CHRM3: variants seen among roughly 807,000 people sequenced by gnomAD.
CHRM3 encodes cholinergic receptor muscarinic 3.
A neutral mutation model predicts 41.8 loss-of-function variants in CHRM3; 11 were observed. That is an observed-to-expected ratio of 0.26 (90% CI 0.17 to 0.44). The LOEUF (loss-of-function observed/expected upper bound fraction) is 0.44, where lower values mean the gene tolerates loss of function less well. Ranked by LOEUF, CHRM3 falls within the 20% of genes least tolerant of loss-of-function variation. The probability of loss-of-function intolerance (pLI) is 1.00; values close to 1 mark genes in which losing one functional copy is unlikely to be tolerated. For missense variants in CHRM3, 571 were observed against 745.4 expected (o/e 0.77, Z 2.72); for synonymous variants, 297 against 301.4 (o/e 0.99, Z 0.15).
intron 5 of CHRM3, among the ~76,000 whole-genome samples, chr1:239,812,921 C>T (rs1314234807): frequency 6.6e-6 from 1 of 152,236 alleles, no homozygotes; most frequent in Non-Finnish European, 1.5e-5. Flanking sequence ...GCACCCTTTT[C>T]ATCACTGCAC....
At chr1:239,839,877 A>G (rs1403903951) in intron 6 of CHRM3, among the ~76,000 whole-genome samples, 2 of 152,072 alleles carry the variant, frequency 1.3e-5, no homozygotes, top group Admixed American at 1.3e-4. Context: ...GAAAGAAAGG[A>G]AGAAAGGAAG....
At chr1:239,622,517 C>G (rs1176277149) in intron 3 of CHRM3, among the ~76,000 whole-genome samples, 1 of 151,922 alleles carries the variant, frequency 6.6e-6, no homozygotes, top group Non-Finnish European at 1.5e-5. Context: ...AGATTTCAGC[C>G]CTCATGGATG....
intron 3 of CHRM3, among the ~76,000 whole-genome samples, chr1:239,604,801 G>C (rs1666039075): frequency 6.6e-6 from 1 of 152,134 alleles, no homozygotes. Context: ...GGTACAATGG[G>C]GGAAAGAAGC....
chr1:239,764,061 A>G (rs1043108977), intron 5 of CHRM3, among the ~76,000 whole-genome samples: 6 of 151,516 alleles, frequency 4.0e-5, no homozygotes, highest in Non-Finnish European at 5.9e-5. Context: ...ACTGCCCTCC[A>G]GCGACAGAGT....
At chr1:239,479,853 G>A (rs1426450033) in intron 1 of CHRM3, among the ~76,000 whole-genome samples, 1 of 152,168 alleles carries the variant, frequency 6.6e-6, no homozygotes, top group African/African-American at 2.4e-5. Flanking sequence ...GTCAGTGAGT[G>A]GGTGGTGAAT....
chr1:239,552,891 G>A (rs1660004714), intron 3 of CHRM3, among the ~76,000 whole-genome samples: 1 of 152,016 alleles, frequency 6.6e-6, no homozygotes, highest in African/African-American at 2.4e-5. Flanking sequence ...ATTCGAAGAT[G>A]AACATTTCTG....
At chr1:239,465,325 A>G (rs1665646642) in intron 1 of CHRM3, among the ~76,000 whole-genome samples, 1 of 152,218 alleles carries the variant, frequency 6.6e-6, no homozygotes, top group African/African-American at 2.4e-5. Flanking sequence ...AAATGGCATG[A>G]GATATTTATA....
chr1:239,431,291 C>T (rs1440831132), intron 1 of CHRM3, among the ~76,000 whole-genome samples: 1 of 151,902 alleles, frequency 6.6e-6, no homozygotes, highest in Admixed American at 6.6e-5. Flanking sequence ...ATTTTTTGTT[C>T]TAGTAATCCT....
intron 5 of CHRM3, among the ~76,000 whole-genome samples, chr1:239,711,846 A>G (rs1661828261): frequency 2.0e-5 from 3 of 151,178 alleles, no homozygotes; most frequent in South Asian, 4.2e-4. Flanking sequence ...GCACCACCAT[A>G]CTCTGCTAAC....
chr1:239,484,009 A>G (rs956695203), intron 1 of CHRM3, among the ~76,000 whole-genome samples: 11 of 152,228 alleles, frequency 7.2e-5, no homozygotes, highest in African/African-American at 2.7e-4. Flanking sequence ...TTAACGAAGT[A>G]AGTGTGTAGT....
At chr1:239,542,556 T>C (rs1658885552) in intron 2 of CHRM3, among the ~76,000 whole-genome samples, 1 of 152,190 alleles carries the variant, frequency 6.6e-6, no homozygotes, top group Admixed American at 6.5e-5. Context: ...TTTGTTCATA[T>C]TTTGTCTTAC....
At chr1:239,869,311 G>T (rs889320522) in intron 6 of CHRM3, among the ~76,000 whole-genome samples, 1 of 151,454 alleles carries the variant, frequency 6.6e-6, no homozygotes, top group African/African-American at 2.4e-5. Flanking sequence ...GCCCTAAAAT[G>T]ATGAAGGAAG....
chr1:239,505,456 G>C (rs1036583726), intron 2 of CHRM3, among the ~76,000 whole-genome samples: 1 of 152,104 alleles, frequency 6.6e-6, no homozygotes, highest in African/African-American at 2.4e-5. Flanking sequence ...AGATCTGATG[G>C]TTACATAAAA....
intron 1 of CHRM3, among the ~76,000 whole-genome samples, chr1:239,404,957 T>G (rs563238084): frequency 6.6e-6 from 1 of 151,904 alleles, no homozygotes; most frequent in Non-Finnish European, 1.5e-5. Context: ...GTATATTATT[T>G]ATATAAACAG....
At position 239,909,144 on chromosome 1, in the gene CHRM3, A is replaced by C. The variant is rs1489972278; in HGVS notation, c.1693A>C (p.Lys565Gln). Residue 565 changes from lysine (K) to glutamine (Q), a missense_variant, in exon 7 of 7, where the codon AAA (lysine) becomes CAA (glutamine). By Grantham distance (53) the Lys-to-Gln change is moderately conservative. Around this residue, in one of 5 missense-constraint regions of CHRM3, gnomAD observed 44 missense variants for 39.7 expected, o/e 1.11. Coordinates refer to ENST00000676153, the MANE Select transcript of CHRM3 (RefSeq NM_001375978.1). ...FKMLLLCQCD[K>Q]KKRRKQQYQQ... ...GATGCTGCTGCTGTGCCAGTGTGAC[A>C]AAAAAAAGAGGCGCAAGCAGCAGTA... The C allele has an allele frequency of 1.9e-6, 3 of 1,613,092 alleles. No homozygotes were observed. Among genetic ancestry groups the C allele is most frequent in the South Asian group, 1.1e-5 (1 of 90,972 alleles).
intron 5 of CHRM3, among the ~76,000 whole-genome samples, chr1:239,774,341 C>T (rs1342467629): frequency 6.6e-6 from 1 of 152,086 alleles, no homozygotes; most frequent in Non-Finnish European, 1.5e-5. Context: ...AGTAGGAATA[C>T]CTAGCCAATG....
chr1:239,602,623 C>T (rs148545979), intron 3 of CHRM3, among the ~76,000 whole-genome samples: 29 of 151,816 alleles, frequency 1.9e-4, no homozygotes, highest in Middle Eastern at 3.4e-3. Context: ...AAACACTTTA[C>T]TAAGCATCTA....
rs1051141249 is a variant in CHRM3, at chr1:239,537,099, TA to T, written c.-421-8533del. 4.6e-5 allele frequency among the ~76,000 whole-genome samples: 7 copies of T among 151,388 alleles called. No homozygotes were observed. In the East Asian group the frequency reaches 7.8e-4, roughly 17 times the overall value. ...GATTGCCAATTTCTCTGCAGTTTCTTAAAAAAAAATACCCCTTTAACTGATC... is the reference window on the plus strand; with the variant it reads ...GATTGCCAATTTCTCTGCAGTTTCTTAAAAAAAATACCCCTTTAACTGATC... On this transcript the variant is annotated intron_variant, in intron 2 of 6. Transcript: ENST00000676153.
intron 6 of CHRM3, among the ~76,000 whole-genome samples, chr1:239,894,133 T>C (rs1227890874): frequency 2.0e-5 from 3 of 152,232 alleles, no homozygotes. Context: ...AAACATTTTA[T>C]CTACTAAGGA....
Sources: allele counts gnomAD v4.1 joint callset (sites outside exome capture counted in the v4.1 genomes callset), GRCh38; gene constraint gnomAD v4.1.1; regional missense constraint gnomAD v4.1.1; transcripts MANE v1.5; gene names NCBI Gene and HGNC (gene_info 2026-07-23, HGNC 2026-07-21).